COPS7B: variants seen among roughly 807,000 people sequenced by gnomAD.
COPS7B encodes COP9 signalosome subunit 7B, also known as COP9 signalosome complex subunit 7b.
COPS7B carries 9 observed loss-of-function variants against 33.4 expected under a neutral mutation model. The observed-to-expected ratio is 0.27, with a 90% CI of 0.16 to 0.47. The LOEUF (loss-of-function observed/expected upper bound fraction) is 0.47, where lower values mean the gene tolerates loss of function less well. Ranked by LOEUF, COPS7B falls within the 20% of genes least tolerant of loss-of-function variation. The probability of loss-of-function intolerance (pLI) is 0.99; values close to 1 mark genes in which losing one functional copy is unlikely to be tolerated. For missense variants in COPS7B, 242 were observed against 318.2 expected, an observed-to-expected ratio of 0.76 and a Z score of 1.82; for synonymous variants, 119 against 126.3, an observed-to-expected ratio of 0.94 and a Z score of 0.39.
chr2:231,798,643 C>T (rs559046333), intron 5 of COPS7B, among the ~76,000 whole-genome samples: 7 of 152,292 alleles, frequency 4.6e-5, no homozygotes, highest in Non-Finnish European at 8.8e-5. Flanking sequence ...AAGAAACTAG[C>T]CCCAGACTAC....
At chr2:231,785,152 G>A (rs531136312), upstream of COPS7B, among the ~76,000 whole-genome samples, 31 of 152,312 alleles carry the variant, frequency 2.0e-4, no homozygotes, top group African/African-American at 7.5e-4. Flanking sequence ...CCTCACCGGA[G>A]GTTTTCCCTG....
At chr2:231,785,999 T>C (rs1574648648), upstream of COPS7B, 2 of 152,040 alleles carry the variant, frequency 1.3e-5, no homozygotes, top group African/African-American at 2.4e-5. Flanking sequence ...ACCTGAAAAA[T>C]GGGAACAATA....
chr2:231,804,597 G>A (rs1483245568), intron 6 of COPS7B, among the ~76,000 whole-genome samples: 11 of 152,026 alleles, frequency 7.2e-5, no homozygotes, highest in Non-Finnish European at 1.6e-4. Context: ...GAGGAAATAA[G>A]GCTAAATAGT....
chr2:231,803,146 A>T (rs1451108756), intron 6 of COPS7B, among the ~76,000 whole-genome samples: 2 of 152,202 alleles, frequency 1.3e-5, no homozygotes. Context: ...GAGGCCATCG[A>T]AGAGGGAGAG....
intron 2 of COPS7B, chr2:231,789,924 G>A (rs1040525537): frequency 2.0e-5 from 3 of 152,176 alleles, no homozygotes; most frequent in Non-Finnish European, 4.4e-5. Flanking sequence ...GTTCAGAGAT[G>A]AGAAGAGCCA....
At chr2:231,792,971 C>T (rs942384004) in intron 3 of COPS7B, among the ~76,000 whole-genome samples, 1 of 152,064 alleles carries the variant, frequency 6.6e-6, no homozygotes, top group African/African-American at 2.4e-5. Context: ...TTTTTCTGAC[C>T]TTCCCTTTGT....
intron 6 of COPS7B, 23 bp downstream of exon 6, chr2:231,798,987 GT>G: frequency 6.3e-7 from 1 of 1,592,096 alleles, no homozygotes; most frequent in Non-Finnish European, 8.6e-7. Context: ...AGGAACATTT[GT>G]TTCTCTCTCC....
Position 231,796,131 on chromosome 2 carries a change from A to G in COPS7B, c.353A>G (p.Lys118Arg). ...MKCIPYSVLL[K>R]DLEMRNLREL... is the part of the protein sequence containing the mutation. The stretch of plus-strand genomic sequence containing the variant: ...TGTATCCCCTACTCCGTGTTGCTGA[A>G]AGACCTGGAGATGCGGAATCTCCGG... Residue 118 changes from lysine (K) to arginine (R), a missense_variant, in exon 5 of 7, where the codon AAA (lysine) becomes AGA (arginine). Lys to Arg is a conservative substitution (Grantham distance 26). Coordinates refer to ENST00000350033, the MANE Select transcript of COPS7B (RefSeq NM_022730.4). The G allele has an allele frequency of 6.2e-7, 1 of 1,614,084 alleles. No individual in the cohort carries two copies. The highest frequency in any genetic ancestry group is 8.5e-7 in the Non-Finnish European group (1 of 1,179,958).
chr2:231,807,661 C>G lies in COPS7B; in HGVS notation c.*16C>G. The G allele has an allele frequency of 6.5e-7, 1 of 1,545,202 alleles. No individual in the cohort carries two copies. Among genetic ancestry groups the G allele is most frequent in the Non-Finnish European group, 8.7e-7 (1 of 1,144,554 alleles). On this transcript the variant is annotated 3_prime_UTR_variant, in exon 7 of 7. Transcript: ENST00000350033. ...CCGCCACTAGGGCCGGCTGGGGCAGCTGGCACTCACCAGGCCTGGGTCAGG... is the reference window on the plus strand; with the variant it reads ...CCGCCACTAGGGCCGGCTGGGGCAGGTGGCACTCACCAGGCCTGGGTCAGG...
intron 1 of COPS7B, 108 bp from the exon 2 acceptor site, chr2:231,788,447 T>C: frequency 1.9e-6 from 2 of 1,080,834 alleles, no homozygotes; most frequent in Non-Finnish European, 2.6e-6. Context: ...GTTTTTTCTT[T>C]ATCAACACTA....
At chr2:231,801,738 G>C (rs1304170809) in intron 6 of COPS7B, among the ~76,000 whole-genome samples, 3 of 151,514 alleles carry the variant, frequency 2.0e-5, no homozygotes, top group African/African-American at 7.3e-5. Flanking sequence ...TCTTTGTTGG[G>C]ATTACAGGCG....
At chr2:231,801,001 G>C (rs973548509) in intron 6 of COPS7B, 2 of 738,072 alleles carry the variant, frequency 2.7e-6, no homozygotes, top group Non-Finnish European at 4.5e-6. Flanking sequence ...TGACTTGAAA[G>C]GAAAAGAAAT....
chr2:231,801,840 T>A (rs2049757558), intron 6 of COPS7B, among the ~76,000 whole-genome samples: 1 of 152,130 alleles, frequency 6.6e-6, no homozygotes, highest in Non-Finnish European at 1.5e-5. Context: ...GGCATGATCT[T>A]GGCTCACTAC....
At chr2:231,797,661 T>C (rs1338961370) in intron 5 of COPS7B, among the ~76,000 whole-genome samples, 1 of 152,186 alleles carries the variant, frequency 6.6e-6, no homozygotes, top group African/African-American at 2.4e-5. Flanking sequence ...TGGAGGTAGA[T>C]TGAAACAAAA....
At chr2:231,799,479 C>T (rs2049679561) in intron 6 of COPS7B, among the ~76,000 whole-genome samples, 1 of 152,060 alleles carries the variant, frequency 6.6e-6, no homozygotes, top group Admixed American at 6.6e-5. Flanking sequence ...ATGTTTCATA[C>T]GGAAAGAAGA....
chr2:231,781,693 T>A (rs187875243), upstream of COPS7B: 16 of 713,436 alleles, frequency 2.2e-5, no homozygotes, highest in Admixed American at 3.0e-4. Context: ...CTGCACTCGG[T>A]TCCTCTGTAA....
At position 231,798,457 on chromosome 2, in the gene COPS7B, G is replaced by C. The variant is rs191668924; in HGVS notation, c.531-402G>C. ...TTTTTAGTAGAGATGGGGTTTCACTGTGTTGGCCAGGCTGGTCTCGAACTC... is the reference window on the plus strand; with the variant it reads ...TTTTTAGTAGAGATGGGGTTTCACTCTGTTGGCCAGGCTGGTCTCGAACTC... On this transcript the variant is annotated intron_variant, in intron 5 of 6. Coordinates refer to ENST00000350033, the MANE Select transcript of COPS7B (RefSeq NM_022730.4). Among the ~76,000 whole-genome samples, 145 of 151,492 alleles carry C rather than the reference G, an allele frequency of 9.6e-4. 1 individual carries two copies. Among genetic ancestry groups the C allele is most frequent in the Middle Eastern group, 3.5e-3 (1 of 288 alleles).
chr2:231,795,531 A>G (rs957360857), intron 4 of COPS7B, among the ~76,000 whole-genome samples: 5 of 152,220 alleles, frequency 3.3e-5, no homozygotes, highest in African/African-American at 1.2e-4. Context: ...GTAGTAAAGA[A>G]TGTTGGTACA....
At chr2:231,794,058 CTG>C (rs2049495326) in intron 3 of COPS7B, 2 of 540,832 alleles carry the variant, frequency 3.7e-6, no homozygotes, top group Non-Finnish European at 6.6e-6. Flanking sequence ...AGACTAAACT[CTG>C]TGTTTGTAGA....
Sources: allele counts gnomAD v4.1 joint callset (sites outside exome capture counted in the v4.1 genomes callset), GRCh38; gene constraint gnomAD v4.1.1; transcripts MANE v1.5; gene names NCBI Gene and HGNC (gene_info 2026-07-23, HGNC 2026-07-21).